Variants in ZNF783 observed in about 807,000 individuals in gnomAD.
ZNF783 encodes the protein zinc finger protein 783, also known as protein ZNF783.
In ZNF783, 25 loss-of-function variants were observed where a neutral mutation model predicts 31.3. The ratio of observed to expected loss-of-function variants is 0.80; its 90% confidence interval spans 0.58 to 1.11. The LOEUF (loss-of-function observed/expected upper bound fraction) is 1.11, where lower values mean the gene tolerates loss of function less well. Ranked by LOEUF, ZNF783 falls within the 50% of genes most tolerant of loss-of-function variation. The pLI is 0.00. For synonymous variants in ZNF783, 369 were observed against 319.1 expected (o/e 1.16, Z -1.66); for missense variants, 797 against 760.0 (o/e 1.05, Z -0.57).
chr7:149,262,263 C>T lies in ZNF783; in HGVS notation c.-71C>T, dbSNP rs113705073. Reference sequence around the variant, plus strand: ...GCGGGTCCCGCTCCGCTTCCGCCGTCGCTGCCGCGCCGCCCCGGGCCCGAC... The same window carrying T: ...GCGGGTCCCGCTCCGCTTCCGCCGTTGCTGCCGCGCCGCCCCGGGCCCGAC... On this transcript the variant is annotated 5_prime_UTR_variant, in exon 1 of 6. Coordinates refer to ENST00000434415, the MANE Select transcript of ZNF783 (RefSeq NM_001195220.2). 7.7e-6 allele frequency: 10 copies of T among 1,290,802 alleles called. No homozygotes were observed. The highest frequency in any genetic ancestry group is 9.9e-6 in the Non-Finnish European group (10 of 1,012,616). The allele number at this position is 1,290,802 out of a possible 1,614,324, so 80.0% of individuals were successfully genotyped here. A position where few individuals can be genotyped will look rare whatever the true frequency, so the allele number is the denominator to read the frequency against.
chr7:149,263,024 C>G (rs1796971986), intron 1 of ZNF783, among the ~76,000 whole-genome samples: 2 of 151,786 alleles, frequency 1.3e-5, no homozygotes, highest in South Asian at 2.1e-4. Context: ...CGCCTCCCGG[C>G]TTCAAGGGAT....
chr7:149,279,073 C>A (rs1797398906), intron 5 of ZNF783, among the ~76,000 whole-genome samples: 1 of 152,260 alleles, frequency 6.6e-6, no homozygotes. Context: ...GTCCAGAGCT[C>A]TGTTCTCTGT....
At chr7:149,278,665 C>T (rs1797389741) in intron 5 of ZNF783, 138 bp downstream of exon 5, 2 of 1,418,680 alleles carry the variant, frequency 1.4e-6, no homozygotes, top group Non-Finnish European at 1.9e-6. Flanking sequence ...CTGGGCCGGA[C>T]AGGCTTTCTG....
rs762296582 is a variant in ZNF783, at chr7:149,269,269, T to G, written c.673+2047T>G. ...TTAAGAAATGTCTGTTCATGTCCTT[T>G]GCCCATTTATTGCTTGTTGATTTAA... On this transcript the variant is annotated intron_variant, in intron 4 of 5. Transcript: ENST00000434415. Among the ~76,000 whole-genome samples, 40 of 152,364 alleles carry G rather than the reference T, an allele frequency of 2.6e-4. 1 individual carries two copies. Among genetic ancestry groups the G allele is most frequent in the Middle Eastern group, 6.8e-3 (2 of 294 alleles).
chr7:149,275,489 T>G (rs1797307733), intron 4 of ZNF783: 1 of 102,260 alleles, frequency 9.8e-6, no homozygotes, highest in African/African-American at 3.9e-5. Flanking sequence ...ATTTTTTGTG[T>G]TTTTTTTTAA....
At chr7:149,278,211 G>A (rs908665119) in intron 4 of ZNF783, 188 bp from the exon 5 acceptor site, 85 of 1,392,180 alleles carry the variant, frequency 6.1e-5, no homozygotes, top group Admixed American at 8.8e-5. Context: ...GTTTCCTTCT[G>A]TGGGACATGA....
rs1453443912 is a variant in ZNF783 at position 149,282,125 on chromosome 7, T to C, written c.1423T>C (p.Phe475Leu). The part of the protein sequence containing the change: ...WPACPYCGKA[F>L]RRPSDLFRHQ... ...CGCCTGCCCCTACTGCGGCAAGGCC[T>C]TCCGCCGGCCCTCGGACCTCTTCCG... The change falls in exon 6 of 6, where the codon TTC (phenylalanine) becomes CTC (leucine). Residue 475 changes from phenylalanine to leucine, a missense_variant. Phe to Leu is a conservative substitution (Grantham distance 22). Transcript: ENST00000434415. 1 of 1,599,094 alleles carries C rather than the reference T, an allele frequency of 6.3e-7. No individual in the cohort carries two copies. The highest frequency in any genetic ancestry group is 8.5e-7 in the Non-Finnish European group (1 of 1,179,262).
At chr7:149,274,778 A>G (rs1797289383) in intron 4 of ZNF783, among the ~76,000 whole-genome samples, 1 of 152,302 alleles carries the variant, frequency 6.6e-6, no homozygotes, top group Non-Finnish European at 1.5e-5. Flanking sequence ...TTATGCCATT[A>G]CCATGCTGTT....
chr7:149,265,886 G>T (rs1472229811), intron 1 of ZNF783, among the ~76,000 whole-genome samples: 1 of 152,240 alleles, frequency 6.6e-6, no homozygotes, highest in Non-Finnish European at 1.5e-5. Context: ...GCCCACAGTT[G>T]GCCAGCTTGT....
Position 149,284,496 on chromosome 7 carries a change from G to C in ZNF783, c.*2153G>C, listed in dbSNP as rs1032830467. On this transcript the variant is annotated 3_prime_UTR_variant, in exon 6 of 6. Coordinates refer to ENST00000434415, the MANE Select transcript of ZNF783 (RefSeq NM_001195220.2). Reference sequence around the variant, plus strand: ...GCCAGGAGCTTCACAAACCAGAGACGGGCTGTCAGCAAGAGCTCAGACAGG... The same window carrying C: ...GCCAGGAGCTTCACAAACCAGAGACCGGCTGTCAGCAAGAGCTCAGACAGG... 6.6e-6 allele frequency: 1 copy of C among 152,296 alleles called. No homozygotes were observed. The highest frequency in any genetic ancestry group is 2.4e-5 in the African/African-American group (1 of 41,444). The allele number at this position is 152,296 out of a possible 1,614,324, so 9.4% of individuals were successfully genotyped here. A position where few individuals can be genotyped will look rare whatever the true frequency, so the allele number is the denominator to read the frequency against.
Position 149,282,145 on chromosome 7 carries a change from C to G in ZNF783, c.1443C>G (p.Leu481=), listed in dbSNP as rs1797491759. 7 of 1,600,412 alleles carry G rather than the reference C, an allele frequency of 4.4e-6. No homozygotes were observed. Among genetic ancestry groups the G allele is most frequent in the Non-Finnish European group, 5.9e-6 (7 of 1,179,454 alleles). The change falls in exon 6 of 6, where the codon CTC becomes CTG. Residue 481 remains leucine, a synonymous_variant. Transcript: ENST00000434415. ...CGKAFRRPSD[L]FRHQRIHTGE... ...AGGCCTTCCGCCGGCCCTCGGACCT[C>G]TTCCGGCACCAGCGCATCCACACCG...
intron 1 of ZNF783, among the ~76,000 whole-genome samples, chr7:149,265,051 C>G (rs763945578): frequency 1.3e-5 from 2 of 148,362 alleles, no homozygotes; most frequent in Non-Finnish European, 3.0e-5. Context: ...CCGCAGTGGC[C>G]CAGGCCAAGC....
In ZNF783 at chr7:149,281,554, G is replaced by A. The variant is rs61729468; in HGVS notation, c.852G>A (p.Thr284=). 9 of 1,486,242 alleles carry A rather than the reference G, an allele frequency of 6.1e-6. No homozygotes were observed. Among genetic ancestry groups the A allele is most frequent in the Admixed American group, 4.9e-5 (2 of 41,180 alleles). The allele number at this position is 1,486,242 out of a possible 1,614,324, so 92.1% of individuals were successfully genotyped here. A position where few individuals can be genotyped will look rare whatever the true frequency, so the allele number is the denominator to read the frequency against. ...AGGCACAGTCTGAAGACGAGATGACGCCTGAGCGGCTCTTTCTGGGGGTGT... is the reference window on the plus strand; with the variant it reads ...AGGCACAGTCTGAAGACGAGATGACACCTGAGCGGCTCTTTCTGGGGGTGT... ...KTEAQSEDEM[T]PERLFLGVSR... Residue 284 remains threonine (T), a synonymous_variant, in exon 6 of 6, where the codon ACG becomes ACA. Coordinates refer to ENST00000434415, the MANE Select transcript of ZNF783 (RefSeq NM_001195220.2).
chr7:149,281,568 T>C lies in ZNF783; in HGVS notation c.866T>C (p.Phe289Ser). 1 of 1,506,162 alleles carries C rather than the reference T, an allele frequency of 6.6e-7. No homozygotes were observed. The highest frequency in any genetic ancestry group is 8.8e-7 in the Non-Finnish European group (1 of 1,141,778). 93.3% of individuals were successfully genotyped at this position (1,506,162 alleles called of 1,614,324 possible). Residue 289 changes from phenylalanine to serine, a missense_variant, in exon 6 of 6, where the codon TTT (phenylalanine) becomes TCT (serine). Coordinates refer to ENST00000434415, the MANE Select transcript of ZNF783 (RefSeq NM_001195220.2). Reference sequence around the variant, plus strand: ...GACGAGATGACGCCTGAGCGGCTCTTTCTGGGGGTGTCCCGAGGCCAGACC... The same window carrying C: ...GACGAGATGACGCCTGAGCGGCTCTCTCTGGGGGTGTCCCGAGGCCAGACC... ...SEDEMTPERLFLGVSRGQTEC... is the reference protein window; with the variant it reads ...SEDEMTPERLSLGVSRGQTEC...
chr7:149,269,690 T>C (rs1797165595), intron 4 of ZNF783, among the ~76,000 whole-genome samples: 1 of 152,220 alleles, frequency 6.6e-6, no homozygotes, highest in South Asian at 2.1e-4. Flanking sequence ...ATTATTATAC[T>C]TTAAGTTTTA....
intron 5 of ZNF783, among the ~76,000 whole-genome samples, chr7:149,279,110 C>T (rs1406979687): frequency 6.6e-6 from 1 of 152,242 alleles, no homozygotes; most frequent in African/African-American, 2.4e-5. Flanking sequence ...GGGCTGGCTC[C>T]TCCACCTGGT....
intron 4 of ZNF783, 114 bp from the exon 5 acceptor site, chr7:149,278,285 G>A (rs2129525136): frequency 6.6e-7 from 1 of 1,513,464 alleles, no homozygotes; most frequent in East Asian, 2.4e-5. Context: ...CATGCCCTGT[G>A]CTGGAGCTGA....
At chr7:149,270,038 T>C (rs1209694092) in intron 4 of ZNF783, among the ~76,000 whole-genome samples, 1 of 152,196 alleles carries the variant, frequency 6.6e-6, no homozygotes, top group East Asian at 1.9e-4. Context: ...CCATGGTGTA[T>C]ATGTGCCACA....
intron 1 of ZNF783, among the ~76,000 whole-genome samples, chr7:149,264,913 A>G (rs1797028776): frequency 6.7e-6 from 1 of 149,866 alleles, no homozygotes; most frequent in African/African-American, 2.5e-5. Flanking sequence ...TACTCTGTGG[A>G]AAGTGTATTG....
Sources: allele counts gnomAD v4.1 joint callset (sites outside exome capture counted in the v4.1 genomes callset), GRCh38; gene constraint gnomAD v4.1.1; transcripts MANE v1.5; gene names NCBI Gene and HGNC (gene_info 2026-07-23, HGNC 2026-07-21).